FHIT: variants seen among roughly 807,000 people sequenced by gnomAD.
FHIT encodes bis(5'-adenosyl)-triphosphatase.
A neutral mutation model predicts 17.9 loss-of-function variants in FHIT; 19 were observed. The observed-to-expected ratio is 1.06, with a 90% CI of 0.74 to 1.56. The LOEUF (loss-of-function observed/expected upper bound fraction) is 1.56, where lower values mean the gene tolerates loss of function less well. FHIT is among the 40% of genes most tolerant of loss of function. FHIT has a pLI of 0.00. For synonymous variants in FHIT, 81 were observed against 69.7 expected (o/e 1.16, Z -0.81); for missense variants, 248 against 189.2 (o/e 1.31, Z -1.82).
At chr3:60,097,710 TTTA>T in intron 5 of FHIT, among the ~76,000 whole-genome samples, 1 of 151,874 alleles carries the variant, frequency 6.6e-6, no homozygotes, top group Non-Finnish European at 1.5e-5. Context: ...TTTTCTTTTT[TTTA>T]AAATTTTATT....
chr3:60,235,325 G>A (rs9879753), intron 5 of FHIT, among the ~76,000 whole-genome samples: 27,544 of 150,804 alleles, frequency 0.18, 2,570 homozygotes, highest in East Asian at 0.26. Flanking sequence ...CCGCCTCCTG[G>A]GTTCAAATGA....
chr3:60,501,500 A>T (rs2107524598), intron 5 of FHIT, among the ~76,000 whole-genome samples: 1 of 152,288 alleles, frequency 6.6e-6, no homozygotes, highest in Non-Finnish European at 1.5e-5. Context: ...TTGACGGTCT[A>T]AGCTAATGCC....
intron 5 of FHIT, among the ~76,000 whole-genome samples, chr3:60,175,999 T>G (rs762139007): frequency 6.6e-6 from 1 of 152,200 alleles, no homozygotes; most frequent in Non-Finnish European, 1.5e-5. Flanking sequence ...ACGGGGCTAA[T>G]GTAGCTGAAA....
At chr3:60,120,953 T>A (rs2107219679) in intron 5 of FHIT, among the ~76,000 whole-genome samples, 1 of 152,282 alleles carries the variant, frequency 6.6e-6, no homozygotes, top group African/African-American at 2.4e-5. Flanking sequence ...TCATGTGCAA[T>A]GAGTTTTAAA....
chr3:60,752,924 C>T (rs2042498405), intron 4 of FHIT, among the ~76,000 whole-genome samples: 1 of 152,140 alleles, frequency 6.6e-6, no homozygotes, highest in South Asian at 2.1e-4. Context: ...CTAGGTATCC[C>T]GTTAGGCATC....
chr3:59,983,953 T>TAG (rs1450148113), intron 7 of FHIT, among the ~76,000 whole-genome samples: 3 of 103,444 alleles, frequency 2.9e-5, no homozygotes, highest in Non-Finnish European at 7.5e-5. Context: ...ACTGAAGTGA[T>TAG]AGGGCAAAGA....
chr3:60,456,300 T>C lies in FHIT; in HGVS notation c.103+80560A>G, dbSNP rs942522397. On this transcript the variant is annotated intron_variant, in intron 5 of 9. Coordinates refer to ENST00000492590, the MANE Select transcript of FHIT (RefSeq NM_002012.4). ...ATCTGAAATGATGGTTACCGACAAA[T>C]CTTCACTGATGCTAAAGAACATTTA... Among the ~76,000 whole-genome samples, 4 of 152,188 alleles carry C rather than the reference T, an allele frequency of 2.6e-5. 1 individual carries two copies. The highest frequency in any genetic ancestry group is 9.7e-5 in the African/African-American group (4 of 41,448).
intron 8 of FHIT, among the ~76,000 whole-genome samples, chr3:59,915,372 C>T (rs192268991): frequency 1.3e-3 from 201 of 152,174 alleles, no homozygotes; most frequent in Middle Eastern, 0.01. Context: ...CACTAACATG[C>T]GATTGAACGT....
chr3:59,944,890 G>T (rs533931977), intron 7 of FHIT, among the ~76,000 whole-genome samples: 152 of 152,162 alleles, frequency 1.0e-3, no homozygotes, highest in African/African-American at 3.3e-3. Context: ...GTACTCCATG[G>T]TGCATATTTA....
At chr3:60,154,138 C>T (rs556117870) in intron 5 of FHIT, among the ~76,000 whole-genome samples, 1 of 152,332 alleles carries the variant, frequency 6.6e-6, no homozygotes, top group African/African-American at 2.4e-5. Flanking sequence ...CCTAGTGTTC[C>T]ATTACTGGAA....
At chr3:60,371,226 T>C (rs555283766) in intron 5 of FHIT, among the ~76,000 whole-genome samples, 1 of 152,234 alleles carries the variant, frequency 6.6e-6, no homozygotes, top group South Asian at 2.1e-4. Context: ...AACAAATATA[T>C]CTTTATTCTC....
intron 5 of FHIT, among the ~76,000 whole-genome samples, chr3:60,173,110 G>A (rs907462901): frequency 6.6e-6 from 1 of 152,138 alleles, no homozygotes; most frequent in Non-Finnish European, 1.5e-5. Context: ...GCACGGCATT[G>A]GACCAACTAC....
chr3:60,341,055 A>G (rs145293366), intron 5 of FHIT, among the ~76,000 whole-genome samples: 60 of 152,270 alleles, frequency 3.9e-4, no homozygotes, highest in African/African-American at 1.3e-3. Flanking sequence ...TGATACCTCC[A>G]TATTTGGATG....
At chr3:61,026,210 G>C (rs552041870) in intron 3 of FHIT, among the ~76,000 whole-genome samples, 1 of 152,180 alleles carries the variant, frequency 6.6e-6, no homozygotes, top group South Asian at 2.1e-4. Flanking sequence ...GAGAAATATG[G>C]TAAAGGAGTC....
At chr3:60,005,363 G>C (rs936370827) in intron 7 of FHIT, among the ~76,000 whole-genome samples, 2 of 152,166 alleles carry the variant, frequency 1.3e-5, no homozygotes, top group Non-Finnish European at 2.9e-5. Context: ...TAGTAGGAGA[G>C]AGGAAGTTTC....
intron 5 of FHIT, among the ~76,000 whole-genome samples, chr3:60,506,362 G>C (rs954945373): frequency 2.6e-5 from 4 of 152,108 alleles, no homozygotes; most frequent in African/African-American, 9.7e-5. Context: ...GGTGCCTTTG[G>C]AGAAATTATT....
At chr3:59,925,412 G>T (rs1232241797) in intron 7 of FHIT, among the ~76,000 whole-genome samples, 2 of 152,128 alleles carry the variant, frequency 1.3e-5, no homozygotes, top group Non-Finnish European at 2.9e-5. Context: ...AGTATGTGGA[G>T]ACATCTTTCT....
chr3:61,202,946 C>G (rs773660291), intron 1 of FHIT, among the ~76,000 whole-genome samples: 1 of 151,770 alleles, frequency 6.6e-6, no homozygotes, highest in Non-Finnish European at 1.5e-5. Flanking sequence ...TTTGGGAGGC[C>G]GAGGCAGGCA....
chr3:60,274,185 A>C (rs957162860), intron 5 of FHIT, among the ~76,000 whole-genome samples: 13 of 151,922 alleles, frequency 8.6e-5, no homozygotes, highest in Admixed American at 5.2e-4. Context: ...ATATCAGATA[A>C]CTCTCTTTCA....
Sources: allele counts gnomAD v4.1 joint callset (sites outside exome capture counted in the v4.1 genomes callset), GRCh38; gene constraint gnomAD v4.1.1; transcripts MANE v1.5; gene names NCBI Gene and HGNC (gene_info 2026-07-23, HGNC 2026-07-21).